The following P2RY6 variants were observed in gnomAD, a reference collection of about 807,000 sequenced individuals.
P2RY6 encodes P2Y purinoceptor 6.
A neutral mutation model predicts 16.3 loss-of-function variants in P2RY6; 19 were observed. The ratio of observed to expected loss-of-function variants is 1.16; its 90% CI spans 0.81 to 1.71. The LOEUF is 1.71. Among genes scored for constraint, P2RY6 ranks in the 40% most tolerant of loss-of-function variants. The pLI is 0.00. For synonymous variants in P2RY6, 184 were observed against 201.5 expected (o/e 0.91, Z 0.74); for missense variants, 389 against 455.5 (o/e 0.85, Z 1.33).
intron 1 of P2RY6, 121 bp downstream of exon 1, chr11:73,272,587 G>A: frequency 1.2e-6 from 1 of 804,272 alleles, no homozygotes; most frequent in Non-Finnish European, 1.5e-6. Context: ...GTGGCAGTAG[G>A]GCAGGCACTG....
chr11:73,275,249 C>T (rs1329503612), intron 1 of P2RY6, among the ~76,000 whole-genome samples: 5 of 152,176 alleles, frequency 3.3e-5, no homozygotes, highest in Non-Finnish European at 5.9e-5. Flanking sequence ...CATCCTGACT[C>T]CCAGGGCAGT....
At chr11:73,290,339 GAAA>G (rs1329553267) in intron 1 of P2RY6, among the ~76,000 whole-genome samples, 6 of 150,360 alleles carry the variant, frequency 4.0e-5, no homozygotes, top group Admixed American at 6.6e-5. Flanking sequence ...AAGAAAGAAA[GAAA>G]GAAAGAAAGA....
At position 73,296,791 on chromosome 11, in the gene P2RY6, C is replaced by A. The variant is rs1325390032; in HGVS notation, c.273C>A (p.His91Gln). 6.2e-7 allele frequency: 1 copy of A among 1,611,838 alleles called. No individual in the cohort carries two copies. Among genetic ancestry groups the A allele is most frequent in the African/African-American group, 1.3e-5 (1 of 74,952 alleles). ...LLIYNYAQGD[H>Q]WPFGDFACRL... The stretch of plus-strand genomic sequence containing the variant: ...TCTACAACTATGCCCAAGGTGATCA[C>A]TGGCCCTTTGGCGACTTCGCCTGCC... Residue 91 changes from histidine (H) to glutamine (Q), a missense_variant, in exon 3 of 3, where the codon CAC becomes CAA. Transcript: ENST00000540124.
chr11:73,286,676 G>A (rs1267428129), intron 1 of P2RY6, among the ~76,000 whole-genome samples: 2 of 151,988 alleles, frequency 1.3e-5, no homozygotes, highest in African/African-American at 4.8e-5. Flanking sequence ...AGTGCCTCTT[G>A]GGCCAAAGCC....
rs758071334 is a variant in P2RY6, at chr11:73,297,242, G to A, written c.724G>A (p.Val242Met). The change falls in exon 3 of 3, where the codon GTG becomes ATG. Residue 242 changes from valine (V) to methionine (M), a missense_variant. Physicochemically the swap from Val to Met is conservative, Grantham distance 21. Coordinates refer to ENST00000540124, the MANE Select transcript of P2RY6 (RefSeq NM_001277204.2). ...GCGTGGCAAGGCGGCCCGCATGGCC[G>A]TGGTGGTGGCTGCTGCCTTTGCCAT... ...ERRGKAARMAVVVAAAFAISF... is the reference protein window; with the variant it reads ...ERRGKAARMAMVVAAAFAISF... The A allele has an allele frequency of 5.7e-5, 92 of 1,604,382 alleles. No individual in the cohort carries two copies. The highest frequency in any genetic ancestry group is 1.6e-4 in the Middle Eastern group (1 of 6,080).
chr11:73,296,934 G>A lies in P2RY6; in HGVS notation c.416G>A (p.Gly139Glu). 12 of 1,606,816 alleles carry A rather than the reference G, an allele frequency of 7.5e-6. No homozygotes were observed. Among genetic ancestry groups the A allele is most frequent in the Non-Finnish European group, 1.0e-5 (12 of 1,179,992 alleles). ...CHPLAPWHKR[G>E]GRRAAWLVCV... ...CCGCTGGCCCCCTGGCACAAACGTG[G>A]GGGCCGCCGGGCTGCCTGGCTAGTG... The change falls in exon 3 of 3, where the codon GGG becomes GAG. Residue 139 changes from glycine (G) to glutamate (E), a missense_variant. Transcript: ENST00000540124.
upstream of P2RY6, chr11:73,271,952 G>A (rs770668381): frequency 1.6e-4 from 25 of 152,066 alleles, no homozygotes; most frequent in African/African-American, 5.6e-4. Flanking sequence ...GGTTTCCTGC[G>A]GCAGCAATGA....
intron 1 of P2RY6, among the ~76,000 whole-genome samples, chr11:73,293,661 G>A (rs1026507284): frequency 1.3e-5 from 2 of 152,216 alleles, no homozygotes; most frequent in African/African-American, 4.8e-5. Context: ...CCCAGGCAAT[G>A]GCCAGGTCTG....
chr11:73,285,197 A>T (rs775342220), intron 1 of P2RY6, among the ~76,000 whole-genome samples: 4 of 152,136 alleles, frequency 2.6e-5, no homozygotes, highest in Admixed American at 6.5e-5. Flanking sequence ...CAGCCTCCCA[A>T]GTAGCTGGGG....
In P2RY6 at chr11:73,297,351, C is replaced by T. The variant is rs1449649894; in HGVS notation, c.833C>T (p.Ala278Val). Residue 278 changes from alanine to valine, a missense_variant, in exon 3 of 3, where the codon GCC becomes GTC. Transcript: ENST00000540124. ...GGCGTCCCCTGCACTGTATTGGAGG[C>T]CTTTGCAGCGGCCTACAAAGGCACG... is the stretch of plus-strand genomic sequence containing the variant. ...TPGVPCTVLEAFAAAYKGTRP... is the reference protein window; with the variant it reads ...TPGVPCTVLEVFAAAYKGTRP... 3 of 1,612,432 alleles carry T rather than the reference C, an allele frequency of 1.9e-6. No homozygotes were observed. The highest frequency in any genetic ancestry group is 2.5e-6 in the Non-Finnish European group (3 of 1,180,020).
intron 1 of P2RY6, among the ~76,000 whole-genome samples, chr11:73,290,386 A>G (rs1022414992): frequency 6.6e-6 from 1 of 151,920 alleles, no homozygotes; most frequent in Non-Finnish European, 1.5e-5. Flanking sequence ...AGAAAGAAAG[A>G]AGGGAAGGAG....
At chr11:73,281,778 C>T (rs1462221608) in intron 1 of P2RY6, among the ~76,000 whole-genome samples, 6 of 152,224 alleles carry the variant, frequency 3.9e-5, no homozygotes, top group Non-Finnish European at 4.4e-5. Flanking sequence ...CTCTTGGCCT[C>T]AGTTACCCTC....
At chr11:73,290,302 GAAAA>G (rs1253389433) in intron 1 of P2RY6, among the ~76,000 whole-genome samples, 4,498 of 80,902 alleles carry the variant, frequency 0.056, 105 homozygotes, top group African/African-American at 0.11. Flanking sequence ...AAGAAAGAAA[GAAAA>G]GAAAGAAAGA....
intron 1 of P2RY6, among the ~76,000 whole-genome samples, chr11:73,293,803 G>A (rs181489732): frequency 7.9e-4 from 121 of 152,272 alleles, no homozygotes; most frequent in African/African-American, 2.5e-3. Context: ...GTGTGGGAGC[G>A]GCACACTGCA....
chr11:73,270,385 C>A (rs1180039236), upstream of P2RY6, among the ~76,000 whole-genome samples: 1 of 152,050 alleles, frequency 6.6e-6, no homozygotes, highest in Non-Finnish European at 1.5e-5. Context: ...GGTGGGCCTG[C>A]CACAGAAACA....
At chr11:73,275,055 T>C (rs1863480986) in intron 1 of P2RY6, among the ~76,000 whole-genome samples, 1 of 152,236 alleles carries the variant, frequency 6.6e-6, no homozygotes, top group Non-Finnish European at 1.5e-5. Flanking sequence ...GGGCAGGGTC[T>C]GAGCAAGACG....
intron 1 of P2RY6, among the ~76,000 whole-genome samples, chr11:73,286,419 A>T (rs1393737881): frequency 6.6e-6 from 1 of 152,212 alleles, no homozygotes; most frequent in East Asian, 1.9e-4. Flanking sequence ...AATGGGCAGG[A>T]TCATAACCCA....
intron 1 of P2RY6, among the ~76,000 whole-genome samples, chr11:73,278,539 A>G (rs1180686076): frequency 6.6e-6 from 1 of 152,036 alleles, no homozygotes; most frequent in Admixed American, 6.6e-5. Flanking sequence ...CCACCCTCTC[A>G]GCCCCTGGCA....
chr11:73,291,491 A>G (rs1038802876), intron 1 of P2RY6, among the ~76,000 whole-genome samples: 2 of 152,162 alleles, frequency 1.3e-5, no homozygotes, highest in South Asian at 2.1e-4. Context: ...GGAGGTCCAC[A>G]CTCAGCTGGC....
Sources: allele counts gnomAD v4.1 joint callset (sites outside exome capture counted in the v4.1 genomes callset), GRCh38; gene constraint gnomAD v4.1.1; transcripts MANE v1.5; gene names NCBI Gene and HGNC (gene_info 2026-07-23, HGNC 2026-07-21).